Variants in GALNT13 observed in about 807,000 individuals in gnomAD.
GALNT13 encodes polypeptide N-acetylgalactosaminyltransferase 13.
In GALNT13, 28 loss-of-function variants were observed where a neutral mutation model predicts 64.2. That is an observed-to-expected ratio of 0.44 (90% CI 0.32 to 0.60). The LOEUF (loss-of-function observed/expected upper bound fraction) is 0.60. Among genes scored for constraint, GALNT13 ranks in the 20% least tolerant of loss-of-function variants. The pLI, the probability that GALNT13 is intolerant of heterozygous loss-of-function variation, is 0.05. For synonymous variants in GALNT13, 214 were observed against 224.6 expected (o/e 0.95, Z 0.42); for missense variants, 577 against 669.8 (o/e 0.86, Z 1.53).
the GALNT13 span, among the ~76,000 whole-genome samples, chr2:153,658,137 A>T: frequency 6.6e-6 from 1 of 152,092 alleles, no homozygotes; most frequent in African/African-American, 2.4e-5. Context: ...TTGTATTATA[A>T]AACCTCTGCA....
chr2:153,873,493 C>T (rs1346315841), intron 1 of GALNT13, among the ~76,000 whole-genome samples: 1 of 152,196 alleles, frequency 6.6e-6, no homozygotes, highest in African/African-American at 2.4e-5. Context: ...GGACAGTGAG[C>T]AGGCAAACAT....
At chr2:153,606,821 T>A in the GALNT13 span, among the ~76,000 whole-genome samples, 2 of 151,804 alleles carry the variant, frequency 1.3e-5, no homozygotes, top group Non-Finnish European at 2.9e-5. Flanking sequence ...TCTGACTTAT[T>A]GAGTTACTCT....
the GALNT13 span, among the ~76,000 whole-genome samples, chr2:153,356,783 C>A: frequency 0.022 from 2,898 of 131,358 alleles, 144 homozygotes; most frequent in African/African-American, 0.077. Context: ...AAATTTTCTT[C>A]TTCCTCTTTT....
the GALNT13 span, among the ~76,000 whole-genome samples, chr2:153,221,804 G>T: frequency 6.6e-6 from 1 of 152,224 alleles, no homozygotes; most frequent in East Asian, 1.9e-4. Flanking sequence ...CAAGCCTGCG[G>T]CTGGATCAGA....
At chr2:153,733,142 T>C in the GALNT13 span, among the ~76,000 whole-genome samples, 276 of 152,246 alleles carry the variant, frequency 1.8e-3, 1 homozygote, top group African/African-American at 6.2e-3. Context: ...GTATTTCTTG[T>C]AATGCAAGGA....
chr2:154,407,815 T>C (rs1699619911), intron 10 of GALNT13, among the ~76,000 whole-genome samples: 1 of 152,116 alleles, frequency 6.6e-6, no homozygotes, highest in Non-Finnish European at 1.5e-5. Flanking sequence ...TCTCAGTTAT[T>C]GATGGGGGCC....
chr2:154,100,161 T>G (rs1185888919), intron 3 of GALNT13, among the ~76,000 whole-genome samples: 1 of 152,160 alleles, frequency 6.6e-6, no homozygotes, highest in East Asian at 1.9e-4. Flanking sequence ...AGCTTTTTTC[T>G]TTTTTCTTAA....
the GALNT13 span, among the ~76,000 whole-genome samples, chr2:153,177,459 T>C: frequency 6.6e-6 from 1 of 152,114 alleles, no homozygotes; most frequent in Non-Finnish European, 1.5e-5. Context: ...AGTAACTGCA[T>C]GAAAACTACA....
chr2:154,306,556 C>T (rs2105112467), intron 9 of GALNT13, among the ~76,000 whole-genome samples: 1 of 142,830 alleles, frequency 7.0e-6, no homozygotes, highest in Non-Finnish European at 1.5e-5. Context: ...ATCAGAGTTT[C>T]ATTATTACTC....
the GALNT13 span, among the ~76,000 whole-genome samples, chr2:153,084,580 C>A: frequency 2.6e-5 from 4 of 152,048 alleles, no homozygotes; most frequent in African/African-American, 7.2e-5. Context: ...GGGGCTGTTT[C>A]CCCCATATTC....
At chr2:154,048,367 A>G (rs1178113279) in intron 3 of GALNT13, among the ~76,000 whole-genome samples, 1 of 152,106 alleles carries the variant, frequency 6.6e-6, no homozygotes, top group Non-Finnish European at 1.5e-5. Context: ...ACATTGCCAA[A>G]TGTACTCTGG....
At chr2:154,440,477 A>C (rs1460901130) in intron 12 of GALNT13, among the ~76,000 whole-genome samples, 1 of 152,086 alleles carries the variant, frequency 6.6e-6, no homozygotes, top group Non-Finnish European at 1.5e-5. Context: ...AGGTAGCTTC[A>C]CATAGGTAGA....
the GALNT13 span, among the ~76,000 whole-genome samples, chr2:153,391,252 C>T: frequency 2.0e-4 from 30 of 152,044 alleles, no homozygotes; most frequent in Non-Finnish European, 4.4e-5. Flanking sequence ...TCTGACTGCT[C>T]TCTTGAGAAT....
chr2:153,157,860 G>A, the GALNT13 span, among the ~76,000 whole-genome samples: 31 of 152,182 alleles, frequency 2.0e-4, no homozygotes, highest in Non-Finnish European at 3.4e-4. Context: ...GATTCATGTG[G>A]TAAATATATC....
chr2:154,406,278 A>G (rs1269528600), intron 10 of GALNT13, among the ~76,000 whole-genome samples: 2 of 152,058 alleles, frequency 1.3e-5, no homozygotes, highest in East Asian at 3.9e-4. Context: ...AATCACCATC[A>G]TCTCTTGCTG....
the GALNT13 span, among the ~76,000 whole-genome samples, chr2:153,721,213 G>A: frequency 6.7e-6 from 1 of 149,154 alleles, no homozygotes; most frequent in Non-Finnish European, 1.5e-5. Context: ...GCCAAACTAA[G>A]CTTCATAAGT....
At chr2:153,999,151 A>G (rs1311851878) in intron 3 of GALNT13, among the ~76,000 whole-genome samples, 1 of 152,152 alleles carries the variant, frequency 6.6e-6, no homozygotes, top group East Asian at 1.9e-4. Context: ...TTCAAACTAT[A>G]CTACAAGTTT....
At chr2:154,334,598 A>G (rs1400685480) in intron 9 of GALNT13, among the ~76,000 whole-genome samples, 1 of 111,012 alleles carries the variant, frequency 9.0e-6, no homozygotes, top group Non-Finnish European at 2.0e-5. Context: ...TGCATCAGAA[A>G]ACTTGCCATC....
chr2:153,085,445 C>T, the GALNT13 span, among the ~76,000 whole-genome samples: 1 of 152,074 alleles, frequency 6.6e-6, no homozygotes, highest in African/African-American at 2.4e-5. Context: ...GGGCCAGCCC[C>T]CAGGGCTGCT....
Sources: allele counts gnomAD v4.1 joint callset (sites outside exome capture counted in the v4.1 genomes callset), GRCh38; gene constraint gnomAD v4.1.1; transcripts MANE v1.5; gene names NCBI Gene and HGNC (gene_info 2026-07-23, HGNC 2026-07-21).